IRAK2: variants seen among roughly 807,000 people sequenced by gnomAD.
IRAK2 encodes interleukin 1 receptor associated kinase 2, also known as interleukin-1 receptor-associated kinase-like 2.
A neutral mutation model predicts 72.0 loss-of-function variants in IRAK2; 57 were observed. The observed-to-expected ratio is 0.79, with a 90% CI of 0.64 to 0.99. The LOEUF (loss-of-function observed/expected upper bound fraction) is 0.99, where lower values mean the gene tolerates loss of function less well. Among genes scored for constraint, IRAK2 ranks in the 50% least tolerant of loss-of-function variants. The pLI is 0.00. For synonymous variants in IRAK2, 293 were observed against 312.7 expected (o/e 0.94, Z 0.67); for missense variants, 790 against 794.4 (o/e 0.99, Z 0.07).
At chr3:10,184,386 T>C (rs1273929833) in intron 2 of IRAK2, among the ~76,000 whole-genome samples, 1 of 152,226 alleles carries the variant, frequency 6.6e-6, no homozygotes. Context: ...TATACACCTG[T>C]CTTGACCTGC....
chr3:10,182,607 C>T (rs1490094747), intron 2 of IRAK2, among the ~76,000 whole-genome samples: 1 of 148,918 alleles, frequency 6.7e-6, no homozygotes, highest in African/African-American at 2.5e-5. Context: ...GATGGGGTTT[C>T]GCCATGTTGG....
intron 1 of IRAK2, among the ~76,000 whole-genome samples, chr3:10,168,468 C>T (rs1468325047): frequency 6.6e-6 from 1 of 152,078 alleles, no homozygotes; most frequent in Non-Finnish European, 1.5e-5. Flanking sequence ...GCCTCGGCCT[C>T]CCAAAGTGCT....
intron 9 of IRAK2, 42 bp from the exon 10 acceptor site, chr3:10,226,329 C>T (rs747428702): frequency 1.6e-5 from 25 of 1,536,192 alleles, no homozygotes; most frequent in East Asian, 2.3e-5. Context: ...GCTGTGTGCA[C>T]GAGCGTCTGA....
chr3:10,200,925 A>T (rs1244106028), intron 3 of IRAK2, among the ~76,000 whole-genome samples: 1 of 152,330 alleles, frequency 6.6e-6, no homozygotes, highest in South Asian at 2.1e-4. Flanking sequence ...TCTGGCAACA[A>T]CAATGGGGGA....
At chr3:10,186,825 T>A (rs559171531) in intron 2 of IRAK2, among the ~76,000 whole-genome samples, 1 of 148,386 alleles carries the variant, frequency 6.7e-6, no homozygotes, top group South Asian at 2.1e-4. Context: ...AGAATCTCGC[T>A]TTGTTGCCCA....
chr3:10,167,070 T>G (rs1696704672), intron 1 of IRAK2, among the ~76,000 whole-genome samples: 1 of 151,740 alleles, frequency 6.6e-6, no homozygotes, highest in Admixed American at 6.6e-5. Flanking sequence ...TCTAGGAAAT[T>G]CAATTAGAAG....
Position 10,197,937 on chromosome 3 carries a change from C to A in IRAK2, c.278-2432C>A, listed in dbSNP as rs576781987. On this transcript the variant is annotated intron_variant, in intron 2 of 12. Transcript: ENST00000256458. ...CACTCAGGCCGGGCGCAGTGGCTCA[C>A]GCCTGTAATCCCAGCACTTTGGGAG... 1.3e-4 allele frequency among the ~76,000 whole-genome samples: 19 copies of A among 151,082 alleles called. No individual in the cohort carries two copies. In the South Asian group the frequency reaches 4.0e-3, roughly 32 times the overall value.
chr3:10,213,555 C>G lies in IRAK2; in HGVS notation c.788+7C>G, dbSNP rs758483742. The G allele has an allele frequency of 6.2e-7, 1 of 1,610,676 alleles. No homozygotes were observed. Among genetic ancestry groups the G allele is most frequent in the African/African-American group, 1.3e-5 (1 of 74,846 alleles). ...AGTTGCAGATTTGTCTTAGGTAAGC[C>G]TCCCCTTTGTTTAGTAATAATGATA... is the stretch of plus-strand genomic sequence containing the variant. On this transcript the variant is annotated splice_region_variant and intron_variant, in intron 6 of 12. Coordinates refer to ENST00000256458, the MANE Select transcript of IRAK2 (RefSeq NM_001570.4).
intron 1 of IRAK2, among the ~76,000 whole-genome samples, chr3:10,173,720 G>A (rs1232420085): frequency 1.3e-5 from 2 of 152,174 alleles, no homozygotes; most frequent in African/African-American, 4.8e-5. Context: ...AGCTACTTGG[G>A]AGGCTGAGGC....
chr3:10,176,015 C>G (rs978402103), intron 1 of IRAK2, among the ~76,000 whole-genome samples: 1 of 150,198 alleles, frequency 6.7e-6, no homozygotes, highest in Non-Finnish European at 1.5e-5. Context: ...CCCTAATGGC[C>G]TTAGGAGGGT....
intron 1 of IRAK2, among the ~76,000 whole-genome samples, chr3:10,169,041 C>T (rs1246220713): frequency 1.3e-5 from 2 of 152,110 alleles, no homozygotes; most frequent in Non-Finnish European, 2.9e-5. Context: ...ACATCTAGGC[C>T]TCTGGGGGTG....
intron 2 of IRAK2, among the ~76,000 whole-genome samples, chr3:10,195,440 G>A (rs538376599): frequency 2.0e-5 from 3 of 152,018 alleles, no homozygotes; most frequent in Admixed American, 6.6e-5. Flanking sequence ...TAATCCCAGC[G>A]GCATGGGAGG....
intron 3 of IRAK2, among the ~76,000 whole-genome samples, chr3:10,206,337 C>T (rs980548135): frequency 1.3e-5 from 2 of 152,138 alleles, no homozygotes; most frequent in East Asian, 3.9e-4. Context: ...CAGCCAGGCC[C>T]GCAGATAGCC....
At position 10,189,761 on chromosome 3, in the gene IRAK2, C is replaced by T. The variant is rs1697144875; in HGVS notation, c.278-10608C>T. Among the ~76,000 whole-genome samples the T allele has an allele frequency of 2.0e-5, 3 of 152,074 alleles. No individual in the cohort carries two copies. In the South Asian group the frequency reaches 6.2e-4, roughly 32 times the overall value. On this transcript the variant is annotated intron_variant, in intron 2 of 12. Coordinates refer to ENST00000256458, the MANE Select transcript of IRAK2 (RefSeq NM_001570.4). Reference sequence around the variant, plus strand: ...TGAAACAGAAGAGAATGAACCCTTCCTCTCCGGAAGGGGCCGGGCTGTGCC... The same window carrying T: ...TGAAACAGAAGAGAATGAACCCTTCTTCTCCGGAAGGGGCCGGGCTGTGCC...
At chr3:10,166,869 C>T (rs1409109042) in intron 1 of IRAK2, among the ~76,000 whole-genome samples, 2 of 152,210 alleles carry the variant, frequency 1.3e-5, no homozygotes, top group East Asian at 3.9e-4. Context: ...GTCTCGAACT[C>T]CTGACCTCAT....
chr3:10,166,772 G>A (rs954757719), intron 1 of IRAK2, among the ~76,000 whole-genome samples: 2 of 152,176 alleles, frequency 1.3e-5, no homozygotes, highest in African/African-American at 4.8e-5. Context: ...AGCCTCCCGA[G>A]TAGCTGGGAT....
intron 2 of IRAK2, among the ~76,000 whole-genome samples, chr3:10,197,941 T>A (rs1246220771): frequency 6.7e-6 from 1 of 150,286 alleles, no homozygotes; most frequent in Non-Finnish European, 1.5e-5. Context: ...GGCTCACGCC[T>A]GTAATCCCAG....
At chr3:10,221,411 G>A (rs989371703) in intron 8 of IRAK2, among the ~76,000 whole-genome samples, 1 of 151,198 alleles carries the variant, frequency 6.6e-6, no homozygotes, top group Admixed American at 6.6e-5. Context: ...CTGCCACCAT[G>A]CCCGGCTAAC....
intron 3 of IRAK2, among the ~76,000 whole-genome samples, chr3:10,202,719 C>A (rs1327787974): frequency 8.0e-6 from 1 of 124,820 alleles, no homozygotes; most frequent in South Asian, 2.5e-4. Flanking sequence ...TTGAGATAGG[C>A]CTTGCTCTGT....
Sources: gnomAD v4.1 joint callset for allele counts (sites outside exome capture counted in the v4.1 genomes callset) on GRCh38, gnomAD v4.1.1 for gene constraint, MANE v1.5 for transcripts, NCBI Gene and HGNC (gene_info 2026-07-23, HGNC 2026-07-21) for gene names.